AGGF1: variants seen among roughly 807,000 people sequenced by gnomAD.
The protein encoded by AGGF1 is angiogenic factor with G patch and FHA domains 1.
Under a neutral mutation model 86.5 loss-of-function variants are expected in AGGF1, and 56 were observed. The ratio of observed to expected loss-of-function variants is 0.65; its 90% confidence interval spans 0.52 to 0.81. AGGF1 has a LOEUF of 0.81. Among genes scored for constraint, AGGF1 ranks in the 30% least tolerant of loss-of-function variants. The pLI, the probability that AGGF1 is intolerant of heterozygous loss-of-function variation, is 0.00. For synonymous variants in AGGF1, 313 were observed against 297.1 expected (o/e 1.05, Z -0.55); for missense variants, 816 against 850.9 (o/e 0.96, Z 0.51).
intron 2 of AGGF1, 101 bp from the exon 3 acceptor site, chr5:77,035,440 G>A: frequency 1.2e-6 from 1 of 835,074 alleles, no homozygotes; most frequent in Non-Finnish European, 1.9e-6. Flanking sequence ...TTTATTTGAA[G>A]TATGTGCTTT....
At position 77,063,067 on chromosome 5, in the gene AGGF1, C is replaced by T. The variant is rs138227686; in HGVS notation, c.1960C>T (p.Arg654Trp). Residue 654 changes from arginine (R) to tryptophan (W), a missense_variant, in exon 14 of 14, where the codon CGG (arginine) becomes TGG (tryptophan). Coordinates refer to ENST00000312916, the MANE Select transcript of AGGF1 (RefSeq NM_018046.5). ...GMKTPIQLQL[R>W]RTHAGLGTGK... ...TTGGTAACAGATCCAGCTTCAGCTT[C>T]GGCGAACACATGCAGGCTTGGGGAC... 1,908 of 1,613,984 alleles carry T rather than the reference C, an allele frequency of 1.2e-3. 5 individuals carry two copies. The highest frequency in any genetic ancestry group is 2.0e-3 in the South Asian group (185 of 91,080).
intron 1 of AGGF1, among the ~76,000 whole-genome samples, chr5:77,033,045 C>T (rs1400587535): frequency 6.6e-6 from 1 of 152,174 alleles, no homozygotes; most frequent in African/African-American, 2.4e-5. Flanking sequence ...ATCATCTGTC[C>T]TCCACATGCC....
At position 77,046,501 on chromosome 5, in the gene AGGF1, T is replaced by C; in HGVS notation, c.1025T>C (p.Ile342Thr). ...KVTVPTSGNT[I>T]ESPLHENISN... ...ACTGTTCCAACTAGTGGAAATACTA[T>C]AGAGTCTCCTCTTCATGAAAACATC... The change falls in exon 6 of 14, where the codon ATA becomes ACA. Residue 342 changes from isoleucine (I) to threonine (T), a missense_variant. Coordinates refer to ENST00000312916, the MANE Select transcript of AGGF1 (RefSeq NM_018046.5). The C allele has an allele frequency of 6.2e-7, 1 of 1,614,094 alleles. No homozygotes were observed.
At position 77,053,993 on chromosome 5, in the gene AGGF1, T is replaced by G. The variant is rs1419610463; in HGVS notation, c.1496T>G (p.Leu499Arg). The change falls in exon 10 of 14, where the codon CTT (leucine) becomes CGT (arginine). Residue 499 changes from leucine to arginine, a missense_variant. Physicochemically the swap from Leu to Arg is moderately radical, Grantham distance 102. Transcript: ENST00000312916. ...QPKTKCDPYV[L>R]EHGDEVKIGE... ...AAAACTAAATGTGACCCTTACGTAC[T>G]TGAGCATGGAGATGAAGTCAAAATT... 8 of 1,614,214 alleles carry G rather than the reference T, an allele frequency of 5.0e-6. No individual in the cohort carries two copies. Among genetic ancestry groups the G allele is most frequent in the Non-Finnish European group, 6.8e-6 (8 of 1,180,030 alleles).
At chr5:77,065,234 ATATT>A (rs777049494), downstream of AGGF1, 1 of 152,178 alleles carries the variant, frequency 6.6e-6, no homozygotes, top group Non-Finnish European at 1.5e-5. Flanking sequence ...CTAATTTTAA[ATATT>A]TGTTTAATCA....
At chr5:77,031,772 C>CG (rs1249583406) in intron 1 of AGGF1, among the ~76,000 whole-genome samples, 1 of 152,004 alleles carries the variant, frequency 6.6e-6, no homozygotes, top group Non-Finnish European at 1.5e-5. Context: ...GGCGTGGCGG[C>CG]GGGCACCTGG....
At chr5:77,044,958 G>T (rs1355673873) in intron 5 of AGGF1, among the ~76,000 whole-genome samples, 2 of 151,916 alleles carry the variant, frequency 1.3e-5, no homozygotes, top group Non-Finnish European at 2.9e-5. Context: ...CCAGCTACTC[G>T]GGAGGCTGAG....
Position 77,030,684 on chromosome 5 carries a change from C to T in AGGF1, c.-83C>T, listed in dbSNP as rs779632090. ...GGCTGCCTTTCGCTGCCCGCGCGCT[C>T]CAGTGGTCTCTGGGTCCGCCGGCGT... On this transcript the variant is annotated 5_prime_UTR_variant, in exon 1 of 14. Coordinates refer to ENST00000312916, the MANE Select transcript of AGGF1 (RefSeq NM_018046.5). 26 of 1,469,200 alleles carry T rather than the reference C, an allele frequency of 1.8e-5. No individual in the cohort carries two copies. The highest frequency in any genetic ancestry group is 2.1e-5 in the Non-Finnish European group (23 of 1,091,364). The allele number at this position is 1,469,200 out of a possible 1,614,324, so 91.0% of individuals were successfully genotyped here.
chr5:77,052,420 C>T (rs1333918793), intron 8 of AGGF1, among the ~76,000 whole-genome samples: 2 of 151,512 alleles, frequency 1.3e-5, no homozygotes, highest in African/African-American at 2.4e-5. Context: ...CAAATACTTA[C>T]ATTAGGTCAA....
At chr5:77,051,112 G>A (rs1225801523) in intron 8 of AGGF1, among the ~76,000 whole-genome samples, 3 of 151,236 alleles carry the variant, frequency 2.0e-5, no homozygotes, top group African/African-American at 7.3e-5. Context: ...ATTTACAGAA[G>A]AGGAAACCCA....
chr5:77,034,401 GCC>G lies in AGGF1; in HGVS notation c.211-16_211-15del. 6.7e-7 allele frequency: 1 copy of G among 1,490,344 alleles called. No homozygotes were observed. The highest frequency in any genetic ancestry group is 9.4e-7 in the Non-Finnish European group (1 of 1,067,478). The allele number at this position is 1,490,344 out of a possible 1,614,324, so 92.3% of individuals were successfully genotyped here. The stretch of plus-strand genomic sequence containing the variant: ...TGTTACATGATTTCTTTTTCCTAAA[GCC>G]TTGTTTTCTCTCAGGTGGAAGAACT... On this transcript the variant is annotated splice_polypyrimidine_tract_variant and intron_variant, in intron 1 of 13. Coordinates refer to ENST00000312916, the MANE Select transcript of AGGF1 (RefSeq NM_018046.5).
At chr5:77,047,586 T>G (rs1747292120) in intron 6 of AGGF1, among the ~76,000 whole-genome samples, 1 of 144,864 alleles carries the variant, frequency 6.9e-6, no homozygotes, top group Non-Finnish European at 1.5e-5. Flanking sequence ...CAGTCTCGGC[T>G]TACTGTAACC....
At chr5:77,061,682 T>C in intron 12 of AGGF1, 21 bp from the exon 13 acceptor site, 1 of 1,581,468 alleles carries the variant, frequency 6.3e-7, no homozygotes, top group Middle Eastern at 1.8e-4. Context: ...AAATCAACTA[T>C]CATTTTAATA....
At chr5:77,034,278 ATAATTT>A in intron 1 of AGGF1, 134 bp from the exon 2 acceptor site, 1 of 653,020 alleles carries the variant, frequency 1.5e-6, no homozygotes, top group Non-Finnish European at 2.7e-6. Context: ...AAGTAAAATA[ATAATTT>A]TAGCTTTTCT....
chr5:77,042,549 C>T (rs1157370668), intron 5 of AGGF1, among the ~76,000 whole-genome samples: 1 of 82,512 alleles, frequency 1.2e-5, no homozygotes, highest in Non-Finnish European at 2.9e-5. Flanking sequence ...GCGCCCCTCA[C>T]CTCCCGGACG....
intron 13 of AGGF1, 64 bp downstream of exon 13, chr5:77,061,866 G>C: frequency 6.8e-7 from 1 of 1,476,466 alleles, no homozygotes. Flanking sequence ...GTACATTAAT[G>C]TGCCAAACGT....
intron 4 of AGGF1, 140 bp from the exon 5 acceptor site, chr5:77,039,391 T>G: frequency 1.5e-6 from 1 of 647,588 alleles, no homozygotes; most frequent in Non-Finnish European, 2.5e-6. Flanking sequence ...CATTTTTTAT[T>G]GTTATCTTTA....
intron 5 of AGGF1, among the ~76,000 whole-genome samples, chr5:77,042,484 C>T (rs1341671517): frequency 9.5e-5 from 4 of 42,306 alleles, no homozygotes; most frequent in African/African-American, 2.1e-4. Flanking sequence ...GCTGGCCGGG[C>T]GGGGGGCTGA....
chr5:77,053,438 G>C (rs551102007), intron 9 of AGGF1, among the ~76,000 whole-genome samples: 9 of 152,346 alleles, frequency 5.9e-5, no homozygotes, highest in African/African-American at 2.2e-4. Context: ...AGAATCGTTT[G>C]CACCGGGGAG....
Sources: allele counts gnomAD v4.1 joint callset (sites outside exome capture counted in the v4.1 genomes callset), GRCh38; gene constraint gnomAD v4.1.1; transcripts MANE v1.5; gene names NCBI Gene and HGNC (gene_info 2026-07-23, HGNC 2026-07-21).